Variants in CSMD2 observed in about 807,000 individuals in gnomAD.
The protein encoded by CSMD2 is CUB and sushi domain-containing protein 2.
Under a neutral mutation model 398.5 loss-of-function variants are expected in CSMD2, and 130 were observed. That is an observed-to-expected ratio of 0.33 (90% CI 0.28 to 0.38). The LOEUF is 0.38. Among genes scored for constraint, CSMD2 ranks in the 10% least tolerant of loss-of-function variants. The pLI is 1.00. For missense variants in CSMD2, 3,829 were observed against 4,764.9 expected (o/e 0.80, Z 5.78); for synonymous variants, 1,828 against 1,908.5 (o/e 0.96, Z 1.10).
chr1:33,848,241 C>T (rs1262770400), intron 5 of CSMD2, among the ~76,000 whole-genome samples: 2 of 152,214 alleles, frequency 1.3e-5, no homozygotes, highest in Non-Finnish European at 2.9e-5. Flanking sequence ...CACTCCCAAT[C>T]CTGGAGCAGA....
At position 33,651,582 on chromosome 1, in the gene CSMD2, G is replaced by C. The variant is rs115802462; in HGVS notation, c.4586+741C>G. On this transcript the variant is annotated intron_variant, in intron 28 of 70. Coordinates refer to ENST00000373381, the MANE Select transcript of CSMD2 (RefSeq NM_001281956.2). ...AGAAGAGGAGGTTTTGACAAAGCCC[G>C]GCAAAAGAAGATGGTTTAACAAGAG... 4.6e-5 allele frequency among the ~76,000 whole-genome samples: 7 copies of C among 152,196 alleles called. No homozygotes were observed. In the East Asian group the frequency reaches 1.4e-3, roughly 29 times the overall value.
chr1:33,671,418 C>T (rs1644492993), intron 25 of CSMD2, among the ~76,000 whole-genome samples: 1 of 152,094 alleles, frequency 6.6e-6, no homozygotes, highest in Admixed American at 6.5e-5. Context: ...CCCTCCCATT[C>T]CTTGGTGGGG....
intron 3 of CSMD2, among the ~76,000 whole-genome samples, chr1:33,940,089 T>G (rs1558135283): frequency 1.3e-5 from 2 of 152,214 alleles, no homozygotes; most frequent in Non-Finnish European, 2.9e-5. Flanking sequence ...CTTTGAAACT[T>G]GTAGGTGAAT....
At chr1:33,842,576 T>G (rs1473766592) in intron 6 of CSMD2, among the ~76,000 whole-genome samples, 1 of 152,216 alleles carries the variant, frequency 6.6e-6, no homozygotes, top group Admixed American at 6.5e-5. Flanking sequence ...AAGGGCCTGA[T>G]AGTAAATATA....
At chr1:33,579,403 A>T (rs1638531824) in intron 48 of CSMD2, among the ~76,000 whole-genome samples, 1 of 151,900 alleles carries the variant, frequency 6.6e-6, no homozygotes, top group Admixed American at 6.6e-5. Flanking sequence ...AGCCACCCAG[A>T]CCCCTCTCCG....
chr1:34,140,902 T>G (rs1639229533), intron 1 of CSMD2, among the ~76,000 whole-genome samples: 1 of 152,118 alleles, frequency 6.6e-6, no homozygotes, highest in East Asian at 1.9e-4. Context: ...CACTTCCCAC[T>G]GAACAGCCTT....
intron 3 of CSMD2, among the ~76,000 whole-genome samples, chr1:33,946,518 A>C (rs1348140386): frequency 6.6e-6 from 1 of 152,208 alleles, no homozygotes; most frequent in Non-Finnish European, 1.5e-5. Flanking sequence ...TGGTAAAATC[A>C]ATTCTTACAA....
In CSMD2 at chr1:33,715,520, C is replaced by T. The variant is rs139817093; in HGVS notation, c.3218-745G>A. Among the ~76,000 whole-genome samples the T allele has an allele frequency of 2.0e-3, 305 of 152,274 alleles. 2 individuals carry two copies. The highest frequency in any genetic ancestry group is 7.0e-3 in the African/African-American group (293 of 41,578). ...TCTCTCTCATAAGGGTTGAGTCTCACTGGCTGGATATGTCCCATTGGCCAA... is the reference window on the plus strand; with the variant it reads ...TCTCTCTCATAAGGGTTGAGTCTCATTGGCTGGATATGTCCCATTGGCCAA... On this transcript the variant is annotated intron_variant, in intron 20 of 70. Coordinates refer to ENST00000373381, the MANE Select transcript of CSMD2 (RefSeq NM_001281956.2).
intron 5 of CSMD2, among the ~76,000 whole-genome samples, chr1:33,891,203 G>GAAA (rs201326020): frequency 0.029 from 4,172 of 144,764 alleles, 105 homozygotes; most frequent in South Asian, 0.062. Context: ...AAATTTACAA[G>GAAA]AAAAAAAAAA....
intron 24 of CSMD2, among the ~76,000 whole-genome samples, chr1:33,698,391 C>T (rs989636946): frequency 2.0e-5 from 3 of 152,162 alleles, no homozygotes; most frequent in Non-Finnish European, 4.4e-5. Context: ...CTTGGCGTTA[C>T]GATAAGCCCT....
chr1:33,902,212 A>AT (rs1321247668), intron 5 of CSMD2, among the ~76,000 whole-genome samples: 8 of 151,930 alleles, frequency 5.3e-5, no homozygotes, highest in Middle Eastern at 3.2e-3. Context: ...AACACAGGGT[A>AT]TTTTTTTTAA....
At chr1:34,011,668 C>T (rs146119098) in intron 3 of CSMD2, among the ~76,000 whole-genome samples, 18 of 152,222 alleles carry the variant, frequency 1.2e-4, no homozygotes, top group Admixed American at 1.2e-3. Flanking sequence ...GGGTGATAAT[C>T]ACATCATGAA....
intron 9 of CSMD2, among the ~76,000 whole-genome samples, chr1:33,813,520 C>T (rs1054072554): frequency 6.6e-6 from 1 of 152,070 alleles, no homozygotes; most frequent in African/African-American, 2.4e-5. Flanking sequence ...TGCCTTTTTC[C>T]CTGAAATGCT....
chr1:33,800,581 T>C (rs2124919196), intron 10 of CSMD2, among the ~76,000 whole-genome samples: 1 of 152,308 alleles, frequency 6.6e-6, no homozygotes, highest in South Asian at 2.1e-4. Flanking sequence ...TAGAGACCTC[T>C]AAGTTTCTAG....
At chr1:33,619,059 T>C (rs1256428445) in intron 37 of CSMD2, among the ~76,000 whole-genome samples, 1 of 152,214 alleles carries the variant, frequency 6.6e-6, no homozygotes, top group African/African-American at 2.4e-5. Context: ...CAGGAGTCCA[T>C]GTACAGGTGC....
At chr1:33,865,495 G>T (rs1482480993) in intron 5 of CSMD2, among the ~76,000 whole-genome samples, 2 of 151,420 alleles carry the variant, frequency 1.3e-5, no homozygotes, top group African/African-American at 4.9e-5. Context: ...TCTTCCTCTT[G>T]TTCATAGCAC....
At chr1:34,023,554 CAAAA>C (rs1649218480) in intron 3 of CSMD2, among the ~76,000 whole-genome samples, 2 of 152,000 alleles carry the variant, frequency 1.3e-5, no homozygotes, top group African/African-American at 4.8e-5. Context: ...GCAGAGAAAA[CAAAA>C]AAGTAAGTGA....
At chr1:33,637,362 A>T (rs1464627828) in intron 29 of CSMD2, among the ~76,000 whole-genome samples, 2 of 152,210 alleles carry the variant, frequency 1.3e-5, no homozygotes, top group African/African-American at 4.8e-5. Flanking sequence ...TGACCCTTAC[A>T]TGTCTTCCCT....
intron 2 of CSMD2, among the ~76,000 whole-genome samples, chr1:34,084,570 G>A (rs1657639740): frequency 6.6e-6 from 1 of 152,188 alleles, no homozygotes; most frequent in South Asian, 2.1e-4. Flanking sequence ...GTGGGCGAAG[G>A]ACATGAACAG....
Sources: allele counts gnomAD v4.1 joint callset (sites outside exome capture counted in the v4.1 genomes callset), GRCh38; gene constraint gnomAD v4.1.1; transcripts MANE v1.5; gene names NCBI Gene and HGNC (gene_info 2026-07-23, HGNC 2026-07-21).